RBKS: variants seen among roughly 807,000 people sequenced by gnomAD.
RBKS encodes the protein ribokinase.
Under a neutral mutation model 33.9 loss-of-function variants are expected in RBKS, and 33 were observed. The observed-to-expected ratio is 0.97, with a 90% CI of 0.74 to 1.30. The LOEUF (loss-of-function observed/expected upper bound fraction) is 1.30, where lower values mean the gene tolerates loss of function less well. RBKS is among the 50% of genes most tolerant of loss of function. RBKS has a pLI of 0.00. For synonymous variants in RBKS, 125 were observed against 143.0 expected, an observed-to-expected ratio of 0.87 and a Z score of 0.90; for missense variants, 361 against 392.6, an observed-to-expected ratio of 0.92 and a Z score of 0.68.
At chr2:27,872,982 G>A (rs1390697383) in intron 1 of RBKS, among the ~76,000 whole-genome samples, 1 of 152,166 alleles carries the variant, frequency 6.6e-6, no homozygotes. Context: ...GAGAAAGCCT[G>A]CAAATGGGGA....
At chr2:27,799,469 T>G (rs1677731072) in intron 7 of RBKS, among the ~76,000 whole-genome samples, 1 of 152,158 alleles carries the variant, frequency 6.6e-6, no homozygotes, top group Non-Finnish European at 1.5e-5. Context: ...CTTTCTTCTC[T>G]TTTCAAAACC....
intron 7 of RBKS, among the ~76,000 whole-genome samples, chr2:27,809,524 C>T (rs1390001442): frequency 2.0e-5 from 3 of 152,144 alleles, no homozygotes; most frequent in East Asian, 1.9e-4. Flanking sequence ...GTGAGTAAAT[C>T]GCAATTAAAA....
At chr2:27,851,623 C>T (rs1462073838) in intron 2 of RBKS, among the ~76,000 whole-genome samples, 1 of 152,172 alleles carries the variant, frequency 6.6e-6, no homozygotes, top group African/African-American at 2.4e-5. Flanking sequence ...ACTGCAACCT[C>T]TGCCTCTTGG....
intron 7 of RBKS, among the ~76,000 whole-genome samples, chr2:27,786,253 A>G (rs1677398961): frequency 6.6e-6 from 1 of 152,162 alleles, no homozygotes; most frequent in South Asian, 2.1e-4. Context: ...TTCTTTATAT[A>G]CTTTTATATT....
At chr2:27,846,451 G>A (rs1663622346) in intron 4 of RBKS, among the ~76,000 whole-genome samples, 1 of 152,214 alleles carries the variant, frequency 6.6e-6, no homozygotes, top group African/African-American at 2.4e-5. Flanking sequence ...TTACAGGTGT[G>A]AGCCACTGTG....
intron 4 of RBKS, among the ~76,000 whole-genome samples, chr2:27,844,451 C>T (rs767874430): frequency 2.0e-5 from 3 of 151,932 alleles, no homozygotes; most frequent in Admixed American, 6.6e-5. Flanking sequence ...GGAGTGCAGT[C>T]GTGCGATCTT....
intron 1 of RBKS, among the ~76,000 whole-genome samples, chr2:27,860,378 C>T (rs948067213): frequency 6.6e-6 from 1 of 152,136 alleles, no homozygotes; most frequent in African/African-American, 2.4e-5. Context: ...GATGCTGCTA[C>T]AAACAACACT....
rs1192503226 is a variant in RBKS at position 27,837,704 on chromosome 2, C to G, written c.515-4927G>C. Among the ~76,000 whole-genome samples the G allele has an allele frequency of 6.6e-6, 1 of 152,140 alleles. No individual in the cohort carries two copies. Among genetic ancestry groups the G allele is most frequent in the African/African-American group, 2.4e-5 (1 of 41,416 alleles). Reference sequence around the variant, plus strand: ...CATAGATGGAGCTGGAGGCCATAATCCTAATCAAATTAAAATAAGAACAGA... The same window carrying G: ...CATAGATGGAGCTGGAGGCCATAATGCTAATCAAATTAAAATAAGAACAGA... On this transcript the variant is annotated intron_variant, in intron 5 of 7. Coordinates refer to ENST00000302188, the MANE Select transcript of RBKS (RefSeq NM_022128.3). The surrounding 1 kb of genome is among the most constrained non-coding windows in gnomAD (Gnocchi z 4.0).
In RBKS at chr2:27,869,338, A is replaced by G. The variant is rs147537145; in HGVS notation, c.90-10767T>C. ...ACTTAATTCAGAAGGCATTAAGTGA[A>G]TGGACACTATGTTATCAAATTTAAC... On this transcript the variant is annotated intron_variant, in intron 1 of 7. Transcript: ENST00000302188. Among the ~76,000 whole-genome samples the G allele has an allele frequency of 6.3e-3, 967 of 152,346 alleles. 7 individuals carry two copies. The highest frequency in any genetic ancestry group is 7.9e-3 in the Non-Finnish European group (538 of 68,036).
chr2:27,786,213 T>C (rs1677398161), intron 7 of RBKS, among the ~76,000 whole-genome samples: 2 of 152,238 alleles, frequency 1.3e-5, no homozygotes, highest in African/African-American at 4.8e-5. Context: ...GGTTTTCTTA[T>C]GTGCAAGGTA....
rs547935531 is a variant in RBKS at position 27,835,240 on chromosome 2, C to T, written c.515-2463G>A. Among the ~76,000 whole-genome samples, 3 of 149,028 alleles carry T rather than the reference C, an allele frequency of 2.0e-5. No homozygotes were observed. The East Asian group carries it at 5.9e-4, about 29-fold the overall frequency. Reference sequence around the variant, plus strand: ...ACAGTGAGCTGAGATCGCGTCATTGCACTCCAGCCTGGGCAACAAGAGCGA... The same window carrying T: ...ACAGTGAGCTGAGATCGCGTCATTGTACTCCAGCCTGGGCAACAAGAGCGA... On this transcript the variant is annotated intron_variant, in intron 5 of 7. Coordinates refer to ENST00000302188, the MANE Select transcript of RBKS (RefSeq NM_022128.3).
At chr2:27,800,719 T>C (rs200888478) in intron 7 of RBKS, among the ~76,000 whole-genome samples, 2 of 152,150 alleles carry the variant, frequency 1.3e-5, no homozygotes, top group Non-Finnish European at 2.9e-5. Context: ...AAGGGGTTTA[T>C]GCTGTGACTG....
At chr2:27,814,853 G>C (rs1054070904) in intron 7 of RBKS, among the ~76,000 whole-genome samples, 1 of 152,142 alleles carries the variant, frequency 6.6e-6, no homozygotes, top group Non-Finnish European at 1.5e-5. Flanking sequence ...TGTTCTTAAA[G>C]GAACTGAAAT....
intron 7 of RBKS, among the ~76,000 whole-genome samples, chr2:27,808,570 C>G (rs1480648427): frequency 6.6e-6 from 1 of 152,172 alleles, no homozygotes; most frequent in East Asian, 1.9e-4. Context: ...CTATTGTTGA[C>G]AAATGGCTCC....
chr2:27,800,948 G>C (rs567424941), intron 7 of RBKS, among the ~76,000 whole-genome samples: 1 of 152,340 alleles, frequency 6.6e-6, no homozygotes, highest in East Asian at 1.9e-4. Context: ...ACTGAGAGAG[G>C]CGTCTGGACA....
intron 7 of RBKS, among the ~76,000 whole-genome samples, chr2:27,785,571 T>G (rs144658342): frequency 0.036 from 5,540 of 152,046 alleles, 340 homozygotes; most frequent in African/African-American, 0.13. Flanking sequence ...AAGACCAGCC[T>G]GGCCAAGATG....
Position 27,795,172 on chromosome 2 carries a change from C to A in RBKS, c.796-13384G>T, listed in dbSNP as rs1381779689. The stretch of plus-strand genomic sequence containing the variant: ...TAGAGTTTTACAATCCCTTAAAAGT[C>A]CTGTGTGTTCAATTAATGCTTGCTG... On this transcript the variant is annotated intron_variant, in intron 7 of 7. Transcript: ENST00000302188. The surrounding 1 kb of genome is among the most constrained non-coding windows in gnomAD (Gnocchi z 4.1). Among the ~76,000 whole-genome samples, 2 of 152,150 alleles carry A rather than the reference C, an allele frequency of 1.3e-5. No individual in the cohort carries two copies. Among genetic ancestry groups the A allele is most frequent in the African/African-American group, 4.8e-5 (2 of 41,428 alleles).
intron 7 of RBKS, among the ~76,000 whole-genome samples, chr2:27,808,119 G>A (rs1205645192): frequency 6.6e-6 from 1 of 152,174 alleles, no homozygotes; most frequent in Non-Finnish European, 1.5e-5. Flanking sequence ...ATTAAGATAG[G>A]TGAGAACAGA....
intron 2 of RBKS, 149 bp from the exon 3 acceptor site, chr2:27,848,246 G>A: frequency 1.8e-6 from 1 of 542,274 alleles, no homozygotes; most frequent in South Asian, 2.6e-5. Context: ...TAAGATGCTA[G>A]ACTTGATTGC....
Sources: gnomAD v4.1 joint callset for allele counts (sites outside exome capture counted in the v4.1 genomes callset) on GRCh38, gnomAD v4.1.1 for gene constraint, Gnocchi (gnomAD v3.1) non-coding constraint, MANE v1.5 for transcripts, NCBI Gene and HGNC (gene_info 2026-07-23, HGNC 2026-07-21) for gene names.